Variants in PRICKLE2 observed in about 807,000 individuals in gnomAD.
PRICKLE2 encodes prickle planar cell polarity protein 2.
A neutral mutation model predicts 81.4 loss-of-function variants in PRICKLE2; 21 were observed. The observed-to-expected ratio is 0.26, with a 90% CI of 0.18 to 0.37. The LOEUF (loss-of-function observed/expected upper bound fraction) is 0.37, where lower values mean the gene tolerates loss of function less well. Among genes scored for constraint, PRICKLE2 ranks in the 10% least tolerant of loss-of-function variants. PRICKLE2 has a pLI of 1.00. For missense variants in PRICKLE2, 940 were observed against 1,109.0 expected, an observed-to-expected ratio of 0.85 and a Z score of 2.16; for synonymous variants, 456 against 421.5, an observed-to-expected ratio of 1.08 and a Z score of -1.00.
intron 2 of PRICKLE2, among the ~76,000 whole-genome samples, chr3:64,191,483 A>G (rs2078336306): frequency 6.6e-6 from 1 of 152,150 alleles, no homozygotes; most frequent in East Asian, 1.9e-4. Context: ...CTGAGATTAT[A>G]TCTGTCTCTG....
chr3:64,180,090 C>T (rs1287488025), intron 2 of PRICKLE2, among the ~76,000 whole-genome samples: 3 of 152,186 alleles, frequency 2.0e-5, no homozygotes, highest in African/African-American at 7.2e-5. Flanking sequence ...TAGAAATCAA[C>T]TGCATTATTG....
intron 2 of PRICKLE2, 125 bp from the exon 3 acceptor site, chr3:64,163,254 A>G: frequency 1.3e-6 from 1 of 748,564 alleles, no homozygotes; most frequent in Non-Finnish European, 2.5e-6. Context: ...CTCTTTATGA[A>G]AGTCAACAGC....
At chr3:64,215,797 A>T (rs1368139115) in intron 1 of PRICKLE2, among the ~76,000 whole-genome samples, 1 of 152,242 alleles carries the variant, frequency 6.6e-6, no homozygotes, top group Non-Finnish European at 1.5e-5. Context: ...ACAATGTACC[A>T]TAACTATAGT....
chr3:64,186,565 A>G (rs1385630721), intron 2 of PRICKLE2, among the ~76,000 whole-genome samples: 3 of 152,208 alleles, frequency 2.0e-5, no homozygotes, highest in Non-Finnish European at 4.4e-5. Flanking sequence ...CAGGCCACCT[A>G]AAGCAACATA....
At chr3:64,169,186 C>T (rs572427444) in intron 2 of PRICKLE2, among the ~76,000 whole-genome samples, 2 of 152,082 alleles carry the variant, frequency 1.3e-5, no homozygotes, top group South Asian at 2.1e-4. Flanking sequence ...TTTGCCCATT[C>T]CCCCTTCTTC....
At chr3:64,188,340 C>T (rs999708956) in intron 2 of PRICKLE2, among the ~76,000 whole-genome samples, 1 of 152,182 alleles carries the variant, frequency 6.6e-6, no homozygotes, top group Non-Finnish European at 1.5e-5. Context: ...CTAGATGTGG[C>T]CTCATCTATT....
At chr3:64,222,798 G>A (rs2078976586) in intron 1 of PRICKLE2, among the ~76,000 whole-genome samples, 1 of 152,234 alleles carries the variant, frequency 6.6e-6, no homozygotes, top group Non-Finnish European at 1.5e-5. Flanking sequence ...GAAAAGGACT[G>A]TCTCTCACAT....
chr3:64,113,251 C>A (rs1463888318), intron 7 of PRICKLE2, among the ~76,000 whole-genome samples: 1 of 152,156 alleles, frequency 6.6e-6, no homozygotes, highest in Non-Finnish European at 1.5e-5. Context: ...GGTGGCCATT[C>A]CCCTAGACTC....
chr3:64,114,332 C>T (rs769838727), intron 7 of PRICKLE2, among the ~76,000 whole-genome samples: 19 of 152,144 alleles, frequency 1.2e-4, no homozygotes, highest in Admixed American at 8.5e-4. Context: ...TCCAAACAAC[C>T]GCATCACCTT....
chr3:64,133,849 T>A (rs2077235707), intron 7 of PRICKLE2, among the ~76,000 whole-genome samples: 1 of 152,118 alleles, frequency 6.6e-6, no homozygotes. Flanking sequence ...TGGGTCTGGA[T>A]CATTGACATG....
intron 2 of PRICKLE2, among the ~76,000 whole-genome samples, chr3:64,186,271 T>G (rs1421076512): frequency 6.6e-6 from 1 of 152,228 alleles, no homozygotes; most frequent in Non-Finnish European, 1.5e-5. Context: ...AAACATTGTT[T>G]CATTTAATTT....
At chr3:64,213,955 T>C (rs960485346) in intron 1 of PRICKLE2, among the ~76,000 whole-genome samples, 8 of 152,162 alleles carry the variant, frequency 5.3e-5, no homozygotes, top group African/African-American at 1.7e-4. Flanking sequence ...ATGTGCTTTT[T>C]CCCCTGTTCA....
At chr3:64,244,785 G>A in intron 2 of PRICKLE2, among the ~76,000 whole-genome samples, 1 of 152,134 alleles carries the variant, frequency 6.6e-6, no homozygotes, top group Non-Finnish European at 1.5e-5. Flanking sequence ...CACGGTAATT[G>A]GGTCAAGTGG....
intron 2 of PRICKLE2, among the ~76,000 whole-genome samples, chr3:64,238,503 AAAAAGAAAAG>A (rs555645254): frequency 2.2e-4 from 34 of 151,782 alleles, no homozygotes; most frequent in Admixed American, 4.6e-4. Context: ...AAAAAAAAGA[AAAAAGAAAAG>A]AAAAGAAAAG....
chr3:64,242,834 G>A (rs1254985604), intron 2 of PRICKLE2, among the ~76,000 whole-genome samples: 2 of 152,244 alleles, frequency 1.3e-5, no homozygotes, highest in Non-Finnish European at 2.9e-5. Flanking sequence ...CTGGTCATCT[G>A]TAAGAGGAGC....
chr3:64,266,299 G>A (rs915536013), intron 2 of PRICKLE2, among the ~76,000 whole-genome samples: 4 of 152,158 alleles, frequency 2.6e-5, no homozygotes, highest in African/African-American at 9.6e-5. Flanking sequence ...GCCACAATTT[G>A]TTATTCTAAC....
intron 7 of PRICKLE2, among the ~76,000 whole-genome samples, chr3:64,126,483 A>T (rs113424862): frequency 1.3e-5 from 2 of 152,238 alleles, no homozygotes; most frequent in Non-Finnish European, 2.9e-5. Flanking sequence ...CTGGTTTTAA[A>T]TGGTCATCGA....
intron 1 of PRICKLE2, among the ~76,000 whole-genome samples, chr3:64,204,562 GAACAAC>G (rs79433924): frequency 0.12 from 18,011 of 150,480 alleles, 1,348 homozygotes; most frequent in East Asian, 0.39. Flanking sequence ...TTTTACTTCT[GAACAAC>G]AACAACAACA....
chr3:64,166,998 G>T (rs1409491536), intron 2 of PRICKLE2, among the ~76,000 whole-genome samples: 2 of 152,238 alleles, frequency 1.3e-5, no homozygotes, highest in African/African-American at 4.8e-5. Context: ...GCTGGATACA[G>T]GAATGCTGCC....
Sources: allele counts gnomAD v4.1 joint callset (sites outside exome capture counted in the v4.1 genomes callset), GRCh38; gene constraint gnomAD v4.1.1; transcripts MANE v1.5; gene names NCBI Gene and HGNC (gene_info 2026-07-23, HGNC 2026-07-21).